The following RAB38 variants were observed in gnomAD, a reference collection of about 807,000 sequenced individuals.
RAB38 encodes RAB38, member RAS oncogene family, also known as ras-related protein Rab-38.
A neutral mutation model predicts 18.4 loss-of-function variants in RAB38; 15 were observed. The observed-to-expected ratio is 0.82, with a 90% CI of 0.55 to 1.26. The LOEUF is 1.26. Ranked by LOEUF, RAB38 falls within the 50% of genes most tolerant of loss-of-function variation. The pLI is 0.00. For synonymous variants in RAB38, 101 were observed against 104.4 expected (o/e 0.97, Z 0.20); for missense variants, 294 against 267.4 (o/e 1.10, Z -0.69).
At chr11:88,046,318 A>G in the RAB38 span, among the ~76,000 whole-genome samples, 1 of 152,222 alleles carries the variant, frequency 6.6e-6, no homozygotes, top group Non-Finnish European at 1.5e-5. Flanking sequence ...AGGTTAGTTC[A>G]GGATCTGCCC....
chr11:87,869,918 A>G, the RAB38 span, among the ~76,000 whole-genome samples: 4 of 151,696 alleles, frequency 2.6e-5, no homozygotes, highest in African/African-American at 9.7e-5. Context: ...AGTTCTATAG[A>G]TATGTTAAAA....
the RAB38 span, among the ~76,000 whole-genome samples, chr11:87,867,347 A>T: frequency 6.6e-6 from 1 of 151,654 alleles, no homozygotes; most frequent in African/African-American, 2.4e-5. Context: ...ATCTTGGGGG[A>T]CATTAGATAC....
At chr11:87,856,484 G>T in the RAB38 span, among the ~76,000 whole-genome samples, 1 of 152,084 alleles carries the variant, frequency 6.6e-6, no homozygotes, top group African/African-American at 2.4e-5. Flanking sequence ...GTTCCTTATT[G>T]CAGCAACCAA....
At chr11:87,846,522 ATAAT>A in the RAB38 span, among the ~76,000 whole-genome samples, 112 of 152,112 alleles carry the variant, frequency 7.4e-4, no homozygotes, top group African/African-American at 2.7e-3. Context: ...AACAATAGAA[ATAAT>A]TCATTAGGAA....
At chr11:87,935,366 T>G in the RAB38 span, among the ~76,000 whole-genome samples, 1 of 152,012 alleles carries the variant, frequency 6.6e-6, no homozygotes, top group East Asian at 1.9e-4. Context: ...TGATTCAAAA[T>G]TATTATTTTC....
At chr11:88,109,826 T>A (rs1284247668), downstream of RAB38, among the ~76,000 whole-genome samples, 1 of 152,224 alleles carries the variant, frequency 6.6e-6, no homozygotes, top group Non-Finnish European at 1.5e-5. Flanking sequence ...AGATACCATC[T>A]AATGCCAGTT....
the RAB38 span, among the ~76,000 whole-genome samples, chr11:87,833,424 T>G: frequency 6.6e-6 from 1 of 152,150 alleles, no homozygotes; most frequent in East Asian, 1.9e-4. Flanking sequence ...TTCTCCTTCC[T>G]TTTTCCATGA....
the RAB38 span, among the ~76,000 whole-genome samples, chr11:87,909,388 A>C: frequency 6.6e-6 from 1 of 152,038 alleles, no homozygotes; most frequent in Non-Finnish European, 1.5e-5. Flanking sequence ...TCTGTGACGC[A>C]AATTCATTGC....
At chr11:87,972,227 A>G in the RAB38 span, among the ~76,000 whole-genome samples, 2 of 152,114 alleles carry the variant, frequency 1.3e-5, no homozygotes, top group African/African-American at 4.8e-5. Context: ...TAGCCCACAT[A>G]GCAAGGTGAT....
chr11:87,878,204 CAT>C, the RAB38 span, among the ~76,000 whole-genome samples: 4,455 of 97,898 alleles, frequency 0.046, 291 homozygotes, highest in Admixed American at 0.16. Context: ...ATGTGCTAAA[CAT>C]ATATATATAT....
At chr11:88,134,099 T>A (rs964101367) in intron 2 of RAB38, among the ~76,000 whole-genome samples, 32 of 152,198 alleles carry the variant, frequency 2.1e-4, no homozygotes, top group African/African-American at 7.5e-4. Context: ...TGCAGAATCA[T>A]ACATAACTAC....
the RAB38 span, among the ~76,000 whole-genome samples, chr11:87,977,975 A>T: frequency 8.9e-6 from 1 of 112,190 alleles, no homozygotes; most frequent in South Asian, 2.7e-4. Flanking sequence ...GATATATTAT[A>T]TAAATACATA....
chr11:88,158,556 C>T (rs1943152851), intron 1 of RAB38, among the ~76,000 whole-genome samples: 1 of 152,036 alleles, frequency 6.6e-6, no homozygotes, highest in African/African-American at 2.4e-5. Context: ...TCCAACAGCA[C>T]ATGAAAAAGT....
the RAB38 span, chr11:88,100,105 GA>G: frequency 6.6e-6 from 1 of 151,766 alleles, no homozygotes; most frequent in African/African-American, 2.4e-5. Context: ...ACTCATCTTA[GA>G]AAAAGTGTTT....
chr11:87,809,302 T>A, the RAB38 span, among the ~76,000 whole-genome samples: 2 of 152,204 alleles, frequency 1.3e-5, no homozygotes, highest in Non-Finnish European at 2.9e-5. Flanking sequence ...TAACAAAAGA[T>A]GGCACAACTA....
At chr11:87,975,750 A>T in the RAB38 span, among the ~76,000 whole-genome samples, 5 of 151,856 alleles carry the variant, frequency 3.3e-5, no homozygotes, top group African/African-American at 1.2e-4. Flanking sequence ...TATAATTCTT[A>T]GAGCAGCCAC....
At chr11:87,869,581 G>A in the RAB38 span, among the ~76,000 whole-genome samples, 1 of 151,428 alleles carries the variant, frequency 6.6e-6, no homozygotes, top group African/African-American at 2.4e-5. Context: ...TGCTATTGTT[G>A]AAAAAGTATA....
chr11:87,971,014 T>G, the RAB38 span, among the ~76,000 whole-genome samples: 1 of 152,100 alleles, frequency 6.6e-6, no homozygotes, highest in Non-Finnish European at 1.5e-5. Context: ...AAGTCATGAC[T>G]GCTCTTAGAT....
chr11:87,841,875 T>TA, the RAB38 span, among the ~76,000 whole-genome samples: 1 of 152,216 alleles, frequency 6.6e-6, no homozygotes, highest in South Asian at 2.1e-4. Context: ...TGTTTTCTGT[T>TA]AAGGGACATT....
Sources: gnomAD v4.1 joint callset for allele counts (sites outside exome capture counted in the v4.1 genomes callset) on GRCh38, gnomAD v4.1.1 for gene constraint, MANE v1.5 for transcripts, NCBI Gene and HGNC (gene_info 2026-07-23, HGNC 2026-07-21) for gene names.